The following EHMT1 variants were observed in gnomAD, a reference collection of about 807,000 sequenced individuals.
EHMT1 encodes euchromatic histone lysine methyltransferase 1.
A neutral mutation model predicts 147.2 loss-of-function variants in EHMT1; 15 were observed. That is an observed-to-expected ratio of 0.10 (90% confidence interval 0.07 to 0.16). The LOEUF is 0.16. Among genes scored for constraint, EHMT1 ranks in the 10% least tolerant of loss-of-function variants. EHMT1 has a pLI of 1.00. For synonymous variants in EHMT1, 795 were observed against 709.6 expected (o/e 1.12, Z -1.91); for missense variants, 1,587 against 1,772.4 (o/e 0.90, Z 1.88).
chr9:137,823,421 T>C, intron 25 of EHMT1: 1 of 390,600 alleles, frequency 2.6e-6, no homozygotes, highest in South Asian at 1.7e-5. Context: ...GGTAATTTTT[T>C]TTTTTTTTGA....
chr9:137,726,496 G>A (rs1426038971), intron 3 of EHMT1, among the ~76,000 whole-genome samples: 1 of 152,132 alleles, frequency 6.6e-6, no homozygotes, highest in African/African-American at 2.4e-5. Flanking sequence ...TTTTGCACAC[G>A]ACACTTTGCT....
rs573935447 is a variant in EHMT1 at position 137,672,957 on chromosome 9, CT to C, written c.22-38009del. On this transcript the variant is annotated intron_variant, in intron 1 of 26. Coordinates refer to ENST00000460843, the MANE Select transcript of EHMT1 (RefSeq NM_024757.5). ...TATTACTACTATACCTTGTGGTTTT[CT>C]GCATGCAGGTTTAAGCCTGCATTTA... is the stretch of plus-strand genomic sequence containing the variant. Among the ~76,000 whole-genome samples the C allele has an allele frequency of 4.5e-3, 684 of 152,330 alleles. 3 individuals are homozygous for C. Among genetic ancestry groups the C allele is most frequent in the Non-Finnish European group, 6.3e-3 (432 of 68,038 alleles).
At chr9:137,784,876 G>T in intron 15 of EHMT1, 1 of 153,274 alleles carries the variant, frequency 6.5e-6, no homozygotes, top group Non-Finnish European at 1.5e-5. Context: ...AAGCAGAAAA[G>T]GATTCAGAGA....
At chr9:137,734,676 A>T (rs1411731717) in intron 4 of EHMT1, among the ~76,000 whole-genome samples, 2 of 152,246 alleles carry the variant, frequency 1.3e-5, no homozygotes, top group Non-Finnish European at 2.9e-5. Context: ...ACTTCTGTAG[A>T]AAGACAAAGA....
chr9:137,806,340 C>G (rs1164247556), intron 18 of EHMT1, among the ~76,000 whole-genome samples: 1 of 152,150 alleles, frequency 6.6e-6, no homozygotes, highest in Non-Finnish European at 1.5e-5. Context: ...CACGCTTCTC[C>G]ACCTTGGTGG....
In EHMT1 at chr9:137,764,261, C is replaced by G. The variant is rs1950062851; in HGVS notation, c.1647+1441C>G. On this transcript the variant is annotated intron_variant, in intron 10 of 26. Coordinates refer to ENST00000460843, the MANE Select transcript of EHMT1 (RefSeq NM_024757.5). ...GACACTGGCGTTGCTTTTGTCTCAT[C>G]CCAGCTAGGCGACGTCTGCGTCAGC... is the stretch of plus-strand genomic sequence containing the variant. The G allele has an allele frequency of 2.0e-5, 3 of 152,484 alleles. No homozygotes were observed. In the South Asian group the frequency reaches 6.2e-4, roughly 32 times the overall value. 9.4% of individuals were successfully genotyped at this position (152,484 alleles called of 1,614,324 possible).
intron 16 of EHMT1, among the ~76,000 whole-genome samples, chr9:137,794,215 C>T (rs939035114): frequency 6.6e-6 from 1 of 152,068 alleles, no homozygotes; most frequent in Non-Finnish European, 1.5e-5. Flanking sequence ...CATTTTTAGT[C>T]AAATTTGAAT....
chr9:137,780,346 G>A (rs1368925694), intron 14 of EHMT1, among the ~76,000 whole-genome samples: 12 of 130,258 alleles, frequency 9.2e-5, no homozygotes, highest in Admixed American at 2.3e-4. Context: ...TGGTGATGAC[G>A]CTGAGACGTG....
rs1347786593 is a variant in EHMT1 at position 137,754,283 on chromosome 9, G to T, written c.1361G>T (p.Gly454Val). 7 of 1,613,932 alleles carry T rather than the reference G, an allele frequency of 4.3e-6. No individual in the cohort carries two copies. The Admixed American group carries it at 1.2e-4, about 27-fold the overall frequency. ...CGGAGAAGTAGAAAGAAGCCCAGCGGTGCCCTCGGTAAATGCCGTGGGGGT... is the reference window on the plus strand; with the variant it reads ...CGGAGAAGTAGAAAGAAGCCCAGCGTTGCCCTCGGTAAATGCCGTGGGGGT... The part of the protein sequence containing the change: ...RRRRSRKKPS[G>V]ALGSESYKSS... Residue 454 changes from glycine to valine, a missense_variant, in exon 8 of 27, where the codon GGT (glycine) becomes GTT (valine). By Grantham distance (109) the Gly-to-Val change is moderately radical (BLOSUM62 -3). Around this residue, in one of 7 missense-constraint regions of EHMT1, gnomAD observed 810 missense variants for 673.0 expected, o/e 1.20. Transcript: ENST00000460843.
rs563015357 is a variant in EHMT1, at chr9:137,690,632, C to T, written c.22-20335C>T. On this transcript the variant is annotated intron_variant, in intron 1 of 26. Coordinates refer to ENST00000460843, the MANE Select transcript of EHMT1 (RefSeq NM_024757.5). ...TCGCCCAGGCTGGAGTGCAGTGGCG[C>T]GATCTCGGCTCACTGCAACCTCTGC... is the stretch of plus-strand genomic sequence containing the variant. Among the ~76,000 whole-genome samples, 18 of 152,106 alleles carry T rather than the reference C, an allele frequency of 1.2e-4. No homozygotes were observed. The East Asian group carries it at 3.3e-3, about 28-fold the overall frequency.
intron 1 of EHMT1, among the ~76,000 whole-genome samples, chr9:137,654,389 C>T (rs1248676786): frequency 2.2e-5 from 3 of 138,536 alleles, no homozygotes; most frequent in Admixed American, 7.2e-5. Context: ...ACCTCCCCCC[C>T]ACCAAAAAAA....
Position 137,754,161 on chromosome 9 carries a change from G to T in EHMT1, c.1249-10G>T, listed in dbSNP as rs765741290. On this transcript the variant is annotated splice_polypyrimidine_tract_variant and intron_variant, in intron 7 of 26. Transcript: ENST00000460843. Reference sequence around the variant, plus strand: ...TAGTGGTTTATATGCCTGCCCGTTTGGTTCTCCAGAGTTCGGAATCCAGCA... The same window carrying T: ...TAGTGGTTTATATGCCTGCCCGTTTTGTTCTCCAGAGTTCGGAATCCAGCA... 12 of 1,613,870 alleles carry T rather than the reference G, an allele frequency of 7.4e-6. No homozygotes were observed. The highest frequency in any genetic ancestry group is 1.7e-5 in the Admixed American group (1 of 59,992).
rs139128645 is a variant in EHMT1, at chr9:137,829,500, T to C, written c.3541-4849T>C. Among the ~76,000 whole-genome samples the C allele has an allele frequency of 3.9e-3, 601 of 152,282 alleles. 1 individual carries two copies. Among genetic ancestry groups the C allele is most frequent in the Non-Finnish European group, 6.5e-3 (443 of 68,032 alleles). On this transcript the variant is annotated intron_variant, in intron 25 of 26. Transcript: ENST00000460843. Reference sequence around the variant, plus strand: ...CATTTTACCCCCAGTGACGTCAGAGTGTGCCTGTGAATAGTGCTGCCTGAC... The same window carrying C: ...CATTTTACCCCCAGTGACGTCAGAGCGTGCCTGTGAATAGTGCTGCCTGAC...
At chr9:137,642,105 G>T (rs1240848234) in intron 1 of EHMT1, among the ~76,000 whole-genome samples, 1 of 152,120 alleles carries the variant, frequency 6.6e-6, no homozygotes, top group Non-Finnish European at 1.5e-5. Context: ...CTCCCAAAGT[G>T]CTGGGATTAC....
Position 137,776,586 on chromosome 9 carries a change from A to C in EHMT1, c.1792-32A>C. On this transcript the variant is annotated intron_variant, in intron 11 of 26. Coordinates refer to ENST00000460843, the MANE Select transcript of EHMT1 (RefSeq NM_024757.5). This position sits in a 1 kb window ranked among gnomAD's most constrained non-coding sequence, Gnocchi z 4.4. ...TTTCTAAATATTAACCCCAATTAAA[A>C]CAAAAATTTTTTTTTGTCCTCCCAT... 6.2e-7 allele frequency: 1 copy of C among 1,612,496 alleles called. No homozygotes were observed.
At chr9:137,690,965 T>C (rs1354839145) in intron 1 of EHMT1, among the ~76,000 whole-genome samples, 1 of 152,250 alleles carries the variant, frequency 6.6e-6, no homozygotes, top group Non-Finnish European at 1.5e-5. Context: ...AAATTCACCA[T>C]CTTAACCATT....
intron 15 of EHMT1, 96 bp from the exon 16 acceptor site, chr9:137,790,752 T>C: frequency 6.4e-7 from 1 of 1,570,848 alleles, no homozygotes; most frequent in East Asian, 2.2e-5. Flanking sequence ...ACAGTGCAGC[T>C]CTCTTTTTTT....
chr9:137,800,744 A>C, intron 17 of EHMT1, 136 bp from the exon 18 acceptor site: 1 of 714,934 alleles, frequency 1.4e-6, no homozygotes, highest in East Asian at 2.7e-5. Context: ...TGAAGGTTGC[A>C]TTCAGGTCCT....
intron 1 of EHMT1, among the ~76,000 whole-genome samples, chr9:137,665,321 T>C (rs1219646250): frequency 6.6e-6 from 1 of 152,044 alleles, no homozygotes; most frequent in Non-Finnish European, 1.5e-5. Context: ...GGAGCTGGGG[T>C]GGGCATAGGA....
Sources: gnomAD v4.1 joint callset for allele counts (sites outside exome capture counted in the v4.1 genomes callset) on GRCh38, gnomAD v4.1.1 for gene constraint, gnomAD v4.1.1 regional missense constraint, Gnocchi (gnomAD v3.1) non-coding constraint, MANE v1.5 for transcripts, NCBI Gene and HGNC (gene_info 2026-07-23, HGNC 2026-07-21) for gene names.